Variants in CRIM1 observed in about 807,000 individuals in gnomAD.
CRIM1 encodes cysteine-rich motor neuron 1 protein.
Under a neutral mutation model 116.4 loss-of-function variants are expected in CRIM1, and 32 were observed. That is an observed-to-expected ratio of 0.27 (90% CI 0.21 to 0.37). The LOEUF (loss-of-function observed/expected upper bound fraction) is 0.37. Among genes scored for constraint, CRIM1 ranks in the 10% least tolerant of loss-of-function variants. CRIM1 has a pLI of 1.00. For synonymous variants in CRIM1, 590 were observed against 509.2 expected (o/e 1.16, Z -2.13); for missense variants, 1,331 against 1,354.8 (o/e 0.98, Z 0.28).
At chr2:36,450,345 C>A (rs923125258) in intron 4 of CRIM1, among the ~76,000 whole-genome samples, 1 of 152,172 alleles carries the variant, frequency 6.6e-6, no homozygotes, top group Non-Finnish European at 1.5e-5. Context: ...ATCACTTTCC[C>A]TGAGGTCGGA....
chr2:36,382,915 C>G (rs535094804), intron 1 of CRIM1, among the ~76,000 whole-genome samples: 2 of 152,284 alleles, frequency 1.3e-5, no homozygotes, highest in South Asian at 4.1e-4. Flanking sequence ...TCAGAGCATC[C>G]TTTGGGAGTT....
At chr2:36,439,535 G>T (rs1362449193) in intron 2 of CRIM1, among the ~76,000 whole-genome samples, 1 of 152,132 alleles carries the variant, frequency 6.6e-6, no homozygotes, top group Non-Finnish European at 1.5e-5. Context: ...CTCATCTCCT[G>T]TTTGTCCTCT....
At chr2:36,535,171 A>G (rs1666451065) in intron 13 of CRIM1, among the ~76,000 whole-genome samples, 1 of 86,928 alleles carries the variant, frequency 1.2e-5, no homozygotes, top group Admixed American at 1.7e-4. Context: ...GAAGGAGGAC[A>G]GGAGGGAGGG....
chr2:36,433,134 C>T (rs1477050), intron 2 of CRIM1, among the ~76,000 whole-genome samples: 4,628 of 152,182 alleles, frequency 0.03, 213 homozygotes, highest in African/African-American at 0.1. Context: ...CACTTTAGAG[C>T]AGTTCATCTC....
At chr2:36,491,125 T>C (rs1680196703) in intron 7 of CRIM1, among the ~76,000 whole-genome samples, 1 of 152,298 alleles carries the variant, frequency 6.6e-6, no homozygotes, top group South Asian at 2.1e-4. Context: ...AGGAGTAGGG[T>C]AGTTCCAGAA....
chr2:36,408,318 C>T (rs911314436), intron 2 of CRIM1, among the ~76,000 whole-genome samples: 33 of 152,298 alleles, frequency 2.2e-4, no homozygotes, highest in African/African-American at 6.5e-4. Context: ...CACTCCTGCG[C>T]GTGTTTGTGG....
chr2:36,396,704 A>C lies in CRIM1; in HGVS notation c.422A>C (p.Glu141Ala). The C allele has an allele frequency of 6.2e-7, 1 of 1,613,810 alleles. No homozygotes were observed. Among genetic ancestry groups the C allele is most frequent in the Non-Finnish European group, 8.5e-7 (1 of 1,179,700 alleles). ...AGCNIINGKC[E>A]CNTIRTCSNP... Reference sequence around the variant, plus strand: ...TGCAATATAATCAATGGGAAATGTGAATGTAACACCATTCGAACCTGCAGC... The same window carrying C: ...TGCAATATAATCAATGGGAAATGTGCATGTAACACCATTCGAACCTGCAGC... The change falls in exon 2 of 17, where the codon GAA becomes GCA. Residue 141 changes from glutamate to alanine, a missense_variant. Transcript: ENST00000280527.
intron 1 of CRIM1, among the ~76,000 whole-genome samples, chr2:36,382,853 T>C (rs1052487846): frequency 1.3e-4 from 20 of 152,256 alleles, no homozygotes; most frequent in Admixed American, 6.5e-5. Context: ...TATATTCTAA[T>C]CCTTTGAAAC....
chr2:36,368,953 A>G (rs1472917312), intron 1 of CRIM1, among the ~76,000 whole-genome samples: 1 of 152,198 alleles, frequency 6.6e-6, no homozygotes, highest in Admixed American at 6.5e-5. Context: ...ATAATATCAA[A>G]AGTTAAATCC....
intron 2 of CRIM1, among the ~76,000 whole-genome samples, chr2:36,440,898 T>G (rs1378559800): frequency 1.3e-5 from 2 of 152,236 alleles, no homozygotes; most frequent in East Asian, 1.9e-4. Context: ...AAAGCTCTTT[T>G]GAATTCAAAG....
chr2:36,386,064 T>C (rs556969078), intron 1 of CRIM1, among the ~76,000 whole-genome samples: 1 of 152,344 alleles, frequency 6.6e-6, no homozygotes, highest in South Asian at 2.1e-4. Flanking sequence ...TTCACTCTAG[T>C]GGTTCACACT....
rs375473493 is a variant in CRIM1 at position 36,476,989 on chromosome 2, C to T, written c.1092C>T (p.Ala364=). The change falls in exon 6 of 17, where the codon GCC becomes GCT. Residue 364 remains alanine (A), a synonymous_variant. Coordinates refer to ENST00000280527, the MANE Select transcript of CRIM1 (RefSeq NM_016441.3). Reference sequence around the variant, plus strand: ...TCTGTCGATGCCAAGGGGGCGTTGCCATCTGCTTCACCGCCCAGTGTGGTG... The same window carrying T: ...TCTGTCGATGCCAAGGGGGCGTTGCTATCTGCTTCACCGCCCAGTGTGGTG... ...CRFCRCQGGV[A]ICFTAQCGEI... 2.5e-6 allele frequency: 4 copies of T among 1,613,948 alleles called. No homozygotes were observed. The African/African-American group carries it at 5.3e-5, about 22-fold the overall frequency.
chr2:36,550,622 GA>G lies in CRIM1; in HGVS notation c.*1926del, dbSNP rs1218763484. ...TTTTTTTGTCTTAGAATATCAAAAA[GA>G]AAAAGAAAAAGGTGTTCTAGCTGTT... On this transcript the variant is annotated 3_prime_UTR_variant, in exon 17 of 17. Transcript: ENST00000280527. 6.6e-6 allele frequency: 1 copy of G among 151,932 alleles called. No individual in the cohort carries two copies. The highest frequency in any genetic ancestry group is 1.5e-5 in the Non-Finnish European group (1 of 67,860). The allele number at this position is 151,932 out of a possible 1,614,324, so 9.4% of individuals were successfully genotyped here.
rs1252767649 is a variant in CRIM1 at position 36,356,394 on chromosome 2, G to C, written c.102G>C (p.Ala34=). The change falls in exon 1 of 17, where the codon GCG becomes GCC. Residue 34 remains alanine, a synonymous_variant. Coordinates refer to ENST00000280527, the MANE Select transcript of CRIM1 (RefSeq NM_016441.3). The surrounding 1 kb of genome is among the most constrained non-coding windows in gnomAD (Gnocchi z 4.3). ...LLLLARSGTR[A]LVCLPCDESK... is the part of the protein sequence containing the mutation. Reference sequence around the variant, plus strand: ...TGCTGGCGCGCTCCGGCACCCGGGCGCTGGTCTGCCTGCCCTGTGACGAGT... The same window carrying C: ...TGCTGGCGCGCTCCGGCACCCGGGCCCTGGTCTGCCTGCCCTGTGACGAGT... The C allele has an allele frequency of 6.2e-7, 1 of 1,602,070 alleles. No homozygotes were observed. Among genetic ancestry groups the C allele is most frequent in the African/African-American group, 1.3e-5 (1 of 74,820 alleles).
At chr2:36,496,236 A>T (rs549383236) in intron 7 of CRIM1, among the ~76,000 whole-genome samples, 3 of 152,356 alleles carry the variant, frequency 2.0e-5, no homozygotes, top group Admixed American at 2.0e-4. Context: ...AAGTGTTAAA[A>T]TGTCTTCTTA....
intron 4 of CRIM1, among the ~76,000 whole-genome samples, chr2:36,455,133 C>G (rs1677037912): frequency 6.6e-6 from 1 of 152,104 alleles, no homozygotes; most frequent in African/African-American, 2.4e-5. Flanking sequence ...CCATTGTGAT[C>G]AGCAGATAGG....
At chr2:36,409,515 G>A (rs925074591) in intron 2 of CRIM1, among the ~76,000 whole-genome samples, 2 of 152,180 alleles carry the variant, frequency 1.3e-5, no homozygotes, top group Non-Finnish European at 2.9e-5. Flanking sequence ...CTGGCCCATT[G>A]CATAGGGGCA....
chr2:36,465,302 A>G (rs1677919927), intron 5 of CRIM1, among the ~76,000 whole-genome samples: 1 of 152,170 alleles, frequency 6.6e-6, no homozygotes. Flanking sequence ...TGGTGGCTTG[A>G]TGTTGATTGA....
chr2:36,506,179 TC>T (rs1681396401), intron 8 of CRIM1, among the ~76,000 whole-genome samples: 10 of 91,680 alleles, frequency 1.1e-4, no homozygotes, highest in South Asian at 3.8e-4. Context: ...TCTCTCTCTC[TC>T]TCACACACAC....
Sources: gnomAD v4.1 joint callset for allele counts (sites outside exome capture counted in the v4.1 genomes callset) on GRCh38, gnomAD v4.1.1 for gene constraint, Gnocchi (gnomAD v3.1) non-coding constraint, MANE v1.5 for transcripts, NCBI Gene and HGNC (gene_info 2026-07-23, HGNC 2026-07-21) for gene names.